UBXN11: variants seen among roughly 807,000 people sequenced by gnomAD.
The protein encoded by UBXN11 is UBX domain protein 11.
A neutral mutation model predicts 62.8 loss-of-function variants in UBXN11; 47 were observed. The observed-to-expected ratio is 0.75, with a 90% CI of 0.59 to 0.95. The LOEUF (loss-of-function observed/expected upper bound fraction) is 0.95. UBXN11 is among the 40% of genes least tolerant of loss of function. UBXN11 has a pLI of 0.00. For missense variants in UBXN11, 638 were observed against 661.7 expected (o/e 0.96, Z 0.39); for synonymous variants, 294 against 267.0 (o/e 1.10, Z -0.99).
Position 26,294,363 on chromosome 1 carries a change from C to T in UBXN11, c.433-32G>A, listed in dbSNP as rs112833335. ...GAAAGAAGGGGGAGATGCGGGGCAC[C>T]GTCAGCTCAGCCCCTTCCCAGGGAA... On this transcript the variant is annotated intron_variant, in intron 7 of 14. Transcript: ENST00000374222. The T allele has an allele frequency of 6.1e-4, 978 of 1,609,198 alleles. 5 individuals are homozygous for T. In the African/African-American group the frequency reaches 0.011, roughly 18 times the overall value.
At position 26,285,000 on chromosome 1, in the gene UBXN11, A is replaced by T. The variant is rs2073094572; in HGVS notation, c.852+464T>A. The T allele has an allele frequency of 8.0e-6, 8 of 999,968 alleles. No individual in the cohort carries two copies. In the Middle Eastern group the frequency reaches 1.5e-3, roughly 190 times the overall value. 61.9% of individuals were successfully genotyped at this position (999,968 alleles called of 1,614,324 possible). A position where few individuals can be genotyped will look rare whatever the true frequency, so the allele number is the denominator to read the frequency against. The stretch of plus-strand genomic sequence containing the variant: ...GCACTAACCCACCACCTTCTAGAAC[A>T]CGAAGCCTCATGGGCTCTGGTGGTG... On this transcript the variant is annotated intron_variant, in intron 10 of 14. Transcript: ENST00000374222.
intron 7 of UBXN11, 81 bp downstream of exon 7, chr1:26,296,838 C>G (rs913810572): frequency 1.4e-6 from 2 of 1,452,464 alleles, no homozygotes; most frequent in South Asian, 1.3e-5. Flanking sequence ...GAGGTGGGCT[C>G]GGACCCAGCT....
chr1:26,289,957 G>C (rs2073220750), intron 8 of UBXN11, among the ~76,000 whole-genome samples: 1 of 152,258 alleles, frequency 6.6e-6, no homozygotes, highest in Non-Finnish European at 1.5e-5. Flanking sequence ...AGAGGAGCCA[G>C]TGCAGGAAAG....
At chr1:26,311,234 G>A (rs1363485069), upstream of UBXN11, among the ~76,000 whole-genome samples, 1 of 151,406 alleles carries the variant, frequency 6.6e-6, no homozygotes, top group East Asian at 1.9e-4. Context: ...CCAGCTCCCA[G>A]GTTCAAGCGA....
intron 1 of UBXN11, among the ~76,000 whole-genome samples, chr1:26,317,643 TAG>T (rs2073810876): frequency 6.6e-6 from 1 of 152,160 alleles, no homozygotes; most frequent in East Asian, 1.9e-4. Context: ...GTCAGAGAGG[TAG>T]AGTTTCTGGC....
chr1:26,312,391 C>T (rs1486887629), intron 1 of UBXN11, among the ~76,000 whole-genome samples: 3 of 152,078 alleles, frequency 2.0e-5, no homozygotes, highest in Non-Finnish European at 4.4e-5. Flanking sequence ...GCTGAGATTA[C>T]AGGTGCATGC....
At chr1:26,302,786 GA>G in intron 2 of UBXN11, 26 bp downstream of exon 2, 2 of 1,602,536 alleles carry the variant, frequency 1.2e-6, no homozygotes, top group Non-Finnish European at 1.7e-6. Context: ...GGCGGGGACA[GA>G]AAGACCCCTG....
At chr1:26,285,624 A>G (rs1378430535) in intron 9 of UBXN11, 83 bp from the exon 10 acceptor site, 4 of 1,418,346 alleles carry the variant, frequency 2.8e-6, no homozygotes, top group Non-Finnish European at 2.8e-6. Flanking sequence ...GGCAGGCCCT[A>G]GATCCAGGGT....
At chr1:26,301,643 A>G in intron 3 of UBXN11, 51 bp downstream of exon 3, 1 of 1,608,676 alleles carries the variant, frequency 6.2e-7, no homozygotes, top group East Asian at 2.2e-5. Flanking sequence ...CAACTGTAGG[A>G]GGTGCAAGCA....
intron 10 of UBXN11, 86 bp downstream of exon 10, chr1:26,285,378 C>T: frequency 6.4e-7 from 1 of 1,558,832 alleles, no homozygotes; most frequent in Non-Finnish European, 8.7e-7. Context: ...GCGGCTTCCC[C>T]TCAGAATGGG....
intron 1 of UBXN11, chr1:26,317,957 C>T: frequency 1.3e-6 from 2 of 1,490,670 alleles, no homozygotes; most frequent in Non-Finnish European, 1.9e-6. Flanking sequence ...AAGAAGCCTC[C>T]AGACAGCCCT....
At chr1:26,316,428 T>G (rs1185184476) in intron 1 of UBXN11, among the ~76,000 whole-genome samples, 1 of 141,368 alleles carries the variant, frequency 7.1e-6, no homozygotes, top group African/African-American at 2.7e-5. Context: ...GAAGGGAGAG[T>G]GGGCCAGAGC....
In UBXN11 at chr1:26,285,520, C is replaced by T; in HGVS notation, c.796G>A (p.Asp266Asn). 3.8e-6 allele frequency: 6 copies of T among 1,596,222 alleles called. No homozygotes were observed. The highest frequency in any genetic ancestry group is 5.1e-6 in the Non-Finnish European group (6 of 1,167,202). The part of the protein sequence containing the change: ...STQRCLRDIL[D>N]GFFPSELQRL... ...TGGAGCTCTGAGGGAAAGAAGCCAT[C>T]CAATATGTCTCGGAGGCAGCGCTGC... The change falls in exon 10 of 15, where the codon GAT becomes AAT. Residue 266 changes from aspartate (D) to asparagine (N), a missense_variant. Coordinates refer to ENST00000374222, the MANE Select transcript of UBXN11 (RefSeq NM_001389556.1).
chr1:26,296,347 G>A (rs2073391828), intron 7 of UBXN11, among the ~76,000 whole-genome samples: 1 of 152,210 alleles, frequency 6.6e-6, no homozygotes, highest in African/African-American at 2.4e-5. Flanking sequence ...TCCCTCCGTC[G>A]TGGAGTTCAG....
chr1:26,300,273 C>A (rs1277032489), intron 4 of UBXN11, among the ~76,000 whole-genome samples: 1 of 152,208 alleles, frequency 6.6e-6, no homozygotes. Context: ...CCTCCCAACA[C>A]GCTGCCCTCG....
At chr1:26,283,029 A>C in intron 12 of UBXN11, 92 bp from the exon 13 acceptor site, 1 of 1,526,658 alleles carries the variant, frequency 6.6e-7, no homozygotes, top group Non-Finnish European at 9.1e-7. Flanking sequence ...GACCAGGGAC[A>C]GATGAGACCA....
chr1:26,295,597 G>T (rs1042413089), intron 7 of UBXN11, among the ~76,000 whole-genome samples: 1 of 152,138 alleles, frequency 6.6e-6, no homozygotes, highest in Non-Finnish European at 1.5e-5. Flanking sequence ...GTGGCGGGAA[G>T]TGGCACCTTC....
At chr1:26,282,958 G>A (rs1231529897) in intron 12 of UBXN11, 21 bp from the exon 13 acceptor site, 4 of 1,614,128 alleles carry the variant, frequency 2.5e-6, no homozygotes, top group African/African-American at 2.7e-5. Context: ...TCAGTGGAGG[G>A]TGGACAGAGC....
intron 8 of UBXN11, among the ~76,000 whole-genome samples, chr1:26,288,710 G>A (rs1338531099): frequency 2.0e-5 from 3 of 152,222 alleles, no homozygotes; most frequent in Non-Finnish European, 2.9e-5. Context: ...TCTGTGCAAT[G>A]GGGAGATGGT....
Sources: gnomAD v4.1 joint callset for allele counts (sites outside exome capture counted in the v4.1 genomes callset) on GRCh38, gnomAD v4.1.1 for gene constraint, MANE v1.5 for transcripts, NCBI Gene and HGNC (gene_info 2026-07-23, HGNC 2026-07-21) for gene names.